Variants in NLRP5 observed in about 807,000 individuals in gnomAD.
NLRP5 encodes the protein NACHT, LRR and PYD domains-containing protein 5.
NLRP5 carries 93 observed loss-of-function variants against 113.1 expected under a neutral mutation model. The ratio of observed to expected loss-of-function variants is 0.82; its 90% CI spans 0.70 to 0.98. The LOEUF (loss-of-function observed/expected upper bound fraction) is 0.98. Ranked by LOEUF, NLRP5 falls within the 50% of genes least tolerant of loss-of-function variation. The pLI is 0.00. For missense variants in NLRP5, 1,808 were observed against 1,514.3 expected, an observed-to-expected ratio of 1.19 and a Z score of -3.22; for synonymous variants, 751 against 600.7, an observed-to-expected ratio of 1.25 and a Z score of -3.66.
chr19:56,058,908 C>T (rs1180511252), intron 14 of NLRP5, among the ~76,000 whole-genome samples: 1 of 152,150 alleles, frequency 6.6e-6, no homozygotes, highest in Non-Finnish European at 1.5e-5. Context: ...AATTCTGACA[C>T]ATGCTACATG....
chr19:56,026,535 A>G (rs1250652658), intron 6 of NLRP5, among the ~76,000 whole-genome samples: 2 of 149,844 alleles, frequency 1.3e-5, no homozygotes, highest in Middle Eastern at 3.2e-3. Context: ...CTCAAAAAAA[A>G]AAAAAAAAAA....
Position 56,008,812 on chromosome 19 carries a change from C to T in NLRP5, c.467C>T (p.Ala156Val). The T allele has an allele frequency of 6.2e-7, 1 of 1,612,002 alleles. No homozygotes were observed. Among genetic ancestry groups the T allele is most frequent in the South Asian group, 1.1e-5 (1 of 90,514 alleles). ...GGACATTCACCAGAAGATCCTGAAG[C>T]AACGATGACTGACCAAGGACCAAGC... is the stretch of plus-strand genomic sequence containing the variant. Residue 156 changes from alanine to valine, a missense_variant, in exon 3 of 15, where the codon GCA becomes GTA. Ala to Val is a moderately conservative substitution (Grantham distance 64). Coordinates refer to ENST00000390649, the MANE Select transcript of NLRP5 (RefSeq NM_153447.4).
rs1252834001 is a variant in NLRP5 at position 56,050,411 on chromosome 19, C to T, written c.2958-7C>T. 1.2e-6 allele frequency: 2 copies of T among 1,612,304 alleles called. No individual in the cohort carries two copies. The highest frequency in any genetic ancestry group is 4.5e-5 in the East Asian group (2 of 44,870). On this transcript the variant is annotated splice_polypyrimidine_tract_variant and splice_region_variant and intron_variant, in intron 11 of 14. Coordinates refer to ENST00000390649, the MANE Select transcript of NLRP5 (RefSeq NM_153447.4). Reference sequence around the variant, plus strand: ...ACGATCTTCTTTCCCATGTGTGTGCCCCACAGGCTGAATCAGTGCCACCTG... The same window carrying T: ...ACGATCTTCTTTCCCATGTGTGTGCTCCACAGGCTGAATCAGTGCCACCTG...
chr19:56,052,818 C>G (rs896485958), intron 12 of NLRP5, among the ~76,000 whole-genome samples: 3 of 152,150 alleles, frequency 2.0e-5, no homozygotes, highest in Admixed American at 2.0e-4. Flanking sequence ...TCAGTAACTT[C>G]TGTCCCCTTT....
chr19:56,026,688 C>T (rs937621166), intron 6 of NLRP5, among the ~76,000 whole-genome samples: 9 of 151,600 alleles, frequency 5.9e-5, no homozygotes, highest in African/African-American at 7.3e-5. Context: ...AAGCAATTCT[C>T]CTGCCTCAGC....
chr19:56,047,372 T>A (rs1247499033), intron 11 of NLRP5, among the ~76,000 whole-genome samples: 1 of 152,202 alleles, frequency 6.6e-6, no homozygotes, highest in Non-Finnish European at 1.5e-5. Context: ...ATGTAGGCGT[T>A]GAGGGCTATG....
At chr19:56,056,417 C>T (rs1246770949) in intron 13 of NLRP5, among the ~76,000 whole-genome samples, 1 of 152,112 alleles carries the variant, frequency 6.6e-6, no homozygotes, top group African/African-American at 2.4e-5. Flanking sequence ...GTTAGCCGGG[C>T]TTGGTGGCGT....
At position 56,037,308 on chromosome 19, in the gene NLRP5, A is replaced by C. The variant is rs537812769; in HGVS notation, c.2616-717A>C. ...CACCGTCGCAGCTGCCGAGGGGACC[A>C]TAGAGAACAAAGCAACCAGGCCTCC... is the stretch of plus-strand genomic sequence containing the variant. On this transcript the variant is annotated intron_variant, in intron 9 of 14. Coordinates refer to ENST00000390649, the MANE Select transcript of NLRP5 (RefSeq NM_153447.4). Among the ~76,000 whole-genome samples the C allele has an allele frequency of 4.9e-3, 740 of 152,248 alleles. 1 individual carries two copies. The highest frequency in any genetic ancestry group is 7.6e-3 in the Non-Finnish European group (515 of 68,020).
At chr19:56,032,164 G>T (rs955440851) in intron 7 of NLRP5, among the ~76,000 whole-genome samples, 1 of 152,078 alleles carries the variant, frequency 6.6e-6, no homozygotes, top group South Asian at 2.1e-4. Flanking sequence ...GGCCAACATG[G>T]TGAAACCCCA....
intron 6 of NLRP5, among the ~76,000 whole-genome samples, chr19:56,023,153 G>A (rs574279239): frequency 5.9e-5 from 9 of 152,306 alleles, no homozygotes; most frequent in African/African-American, 1.9e-4. Flanking sequence ...GAACCCTGAA[G>A]TATAGACGTG....
intron 4 of NLRP5, among the ~76,000 whole-genome samples, chr19:56,016,901 T>C (rs1004521524): frequency 6.6e-6 from 1 of 152,052 alleles, no homozygotes; most frequent in Non-Finnish European, 1.5e-5. Context: ...CTCCGCCTCC[T>C]GGGTTCAAGT....
At chr19:56,025,004 C>T (rs4392170) in intron 6 of NLRP5, among the ~76,000 whole-genome samples, 5,406 of 152,080 alleles carry the variant, frequency 0.036, 207 homozygotes, top group East Asian at 0.21. Flanking sequence ...CTTCCAGGAG[C>T]ATGAGCCCTA....
chr19:56,061,474 T>C lies in NLRP5; in HGVS notation c.3549T>C (p.Ile1183=). ...AGCTACTCAAGCCCCGAGTCGTAAT[T>C]GACGGTAGTTGGCATTCTTTTGATG... Residue 1183 remains isoleucine, a synonymous_variant, in exon 15 of 15, where the codon ATT becomes ATC. Coordinates refer to ENST00000390649, the MANE Select transcript of NLRP5 (RefSeq NM_153447.4). 1 of 1,614,012 alleles carries C rather than the reference T, an allele frequency of 6.2e-7. No individual in the cohort carries two copies. The highest frequency in any genetic ancestry group is 2.2e-5 in the East Asian group (1 of 44,882).
the NLRP5 span, among the ~76,000 whole-genome samples, chr19:55,992,218 C>CATA: frequency 6.6e-6 from 1 of 152,166 alleles, no homozygotes; most frequent in Non-Finnish European, 1.5e-5. Flanking sequence ...TTTATGGCTG[C>CATA]ATAGTATTCC....
chr19:56,022,620 C>T (rs952947321), intron 6 of NLRP5, among the ~76,000 whole-genome samples: 3 of 152,148 alleles, frequency 2.0e-5, no homozygotes, highest in Non-Finnish European at 2.9e-5. Context: ...ACAATGAGCT[C>T]ATCATCTGCT....
In NLRP5 at chr19:56,006,710, T is replaced by A. The variant is rs200764622; in HGVS notation, c.443-2078T>A. ...TCGCGCCACTGCACTCCAGCCTGGG[T>A]GACAGAGCGAGACTCCGTATTTAAA... On this transcript the variant is annotated intron_variant, in intron 2 of 14. Transcript: ENST00000390649. Among the ~76,000 whole-genome samples the A allele has an allele frequency of 2.0e-5, 3 of 151,300 alleles. No homozygotes were observed. In the East Asian group the frequency reaches 6.0e-4, roughly 30 times the overall value.
rs1412317286 is a variant in NLRP5 at position 56,010,742 on chromosome 19, C to CAAAAA, written c.508+1898_508+1902dup. Among the ~76,000 whole-genome samples the CAAAAA allele has an allele frequency of 3.6e-4, 15 of 41,280 alleles. 2 individuals carry two copies. The East Asian group carries it at 3.6e-3, about 10-fold the overall frequency. 27.1% of individuals were successfully genotyped at this position (41,280 alleles called of 152,430 possible). A position where few individuals can be genotyped will look rare whatever the true frequency, so the allele number is the denominator to read the frequency against. On this transcript the variant is annotated intron_variant, in intron 3 of 14. Coordinates refer to ENST00000390649, the MANE Select transcript of NLRP5 (RefSeq NM_153447.4). ...GGGAAACAAGAGCTTAACTCTGTCT[C>CAAAAA]AAAAAAAAAAAAAGTCCCTTGAAAC...
chr19:56,052,230 G>T (rs1983955801), intron 12 of NLRP5, among the ~76,000 whole-genome samples: 1 of 151,132 alleles, frequency 6.6e-6, no homozygotes, highest in South Asian at 2.1e-4. Flanking sequence ...GTTTGGTTTT[G>T]GTGGGGTTTT....
intron 9 of NLRP5, among the ~76,000 whole-genome samples, chr19:56,036,461 T>C (rs150800867): frequency 6.6e-6 from 1 of 152,314 alleles, no homozygotes; most frequent in African/African-American, 2.4e-5. Context: ...CGAGATTGTT[T>C]TATTCAATAA....
Sources: gnomAD v4.1 joint callset for allele counts (sites outside exome capture counted in the v4.1 genomes callset) on GRCh38, gnomAD v4.1.1 for gene constraint, MANE v1.5 for transcripts, NCBI Gene and HGNC (gene_info 2026-07-23, HGNC 2026-07-21) for gene names.